The following NUBPL variants were observed in gnomAD, a reference collection of about 807,000 sequenced individuals.
The protein encoded by NUBPL is NUBP iron-sulfur cluster assembly factor, mitochondrial.
Under a neutral mutation model 45.7 loss-of-function variants are expected in NUBPL, and 31 were observed. The ratio of observed to expected loss-of-function variants is 0.68; its 90% CI spans 0.51 to 0.92. NUBPL has a LOEUF of 0.92. Among genes scored for constraint, NUBPL ranks in the 40% least tolerant of loss-of-function variants. The probability of loss-of-function intolerance (pLI) is 0.00; values close to 1 mark genes in which losing one functional copy is unlikely to be tolerated. For synonymous variants in NUBPL, 144 were observed against 140.9 expected (o/e 1.02, Z -0.15); for missense variants, 401 against 398.7 (o/e 1.01, Z -0.05).
chr14:31,596,468 A>G (rs1210792651), intron 3 of NUBPL, among the ~76,000 whole-genome samples: 1 of 146,762 alleles, frequency 6.8e-6, no homozygotes, highest in Non-Finnish European at 1.5e-5. Context: ...GCTAACTATG[A>G]CATGTGGACC....
chr14:31,654,586 T>C (rs1165127121), intron 4 of NUBPL, among the ~76,000 whole-genome samples: 1 of 151,972 alleles, frequency 6.6e-6, no homozygotes, highest in South Asian at 2.1e-4. Flanking sequence ...TTTTTTCTAT[T>C]TTTTAGTAGA....
intron 4 of NUBPL, among the ~76,000 whole-genome samples, chr14:31,642,060 C>G (rs772314261): frequency 3.9e-5 from 6 of 152,094 alleles, no homozygotes; most frequent in Admixed American, 1.3e-4. Context: ...TGTTTGAACT[C>G]CTGCTATGTT....
chr14:31,620,093 A>G (rs139586728), intron 4 of NUBPL, among the ~76,000 whole-genome samples: 15 of 152,024 alleles, frequency 9.9e-5, no homozygotes, highest in African/African-American at 3.4e-4. Flanking sequence ...ATACTTGTAT[A>G]TGCTTGATGA....
At chr14:31,586,820 G>A (rs1194192831) in intron 3 of NUBPL, among the ~76,000 whole-genome samples, 1 of 152,108 alleles carries the variant, frequency 6.6e-6, no homozygotes, top group African/African-American at 2.4e-5. Context: ...TCCTCTAGTT[G>A]TAAAAAAGCA....
At chr14:31,766,560 C>G (rs1246785341) in intron 6 of NUBPL, among the ~76,000 whole-genome samples, 1 of 152,136 alleles carries the variant, frequency 6.6e-6, no homozygotes, top group East Asian at 1.9e-4. Context: ...AAACAAGTAG[C>G]CCCATTATAG....
intron 4 of NUBPL, among the ~76,000 whole-genome samples, chr14:31,671,860 C>T (rs1443527844): frequency 1.9e-5 from 2 of 102,662 alleles, no homozygotes; most frequent in South Asian, 4.2e-4. Context: ...ACACAGTTTT[C>T]AGTCTCAGTC....
chr14:31,617,113 A>G (rs946288768), intron 4 of NUBPL, among the ~76,000 whole-genome samples: 1 of 152,124 alleles, frequency 6.6e-6, no homozygotes, highest in Non-Finnish European at 1.5e-5. Flanking sequence ...TGATTTTTGC[A>G]CATTGGTTTT....
chr14:31,746,997 G>A (rs1015234240), intron 6 of NUBPL, among the ~76,000 whole-genome samples: 11 of 150,306 alleles, frequency 7.3e-5, no homozygotes, highest in African/African-American at 2.7e-4. Flanking sequence ...CTGAGCTTAG[G>A]AGGCAAAGAT....
At chr14:31,650,844 C>T (rs1164632017) in intron 4 of NUBPL, among the ~76,000 whole-genome samples, 1 of 152,098 alleles carries the variant, frequency 6.6e-6, no homozygotes, top group African/African-American at 2.4e-5. Flanking sequence ...TGCTTCTACT[C>T]ATGGTAAAGG....
At chr14:31,564,088 A>G (rs1051892275) in intron 2 of NUBPL, among the ~76,000 whole-genome samples, 4 of 152,214 alleles carry the variant, frequency 2.6e-5, no homozygotes, top group Admixed American at 2.0e-4. Context: ...TAACCCTGAC[A>G]TAGTTTATAC....
intron 6 of NUBPL, among the ~76,000 whole-genome samples, chr14:31,692,828 C>G (rs2037123358): frequency 6.6e-6 from 1 of 152,152 alleles, no homozygotes; most frequent in Admixed American, 6.5e-5. Context: ...CTAAGTACCT[C>G]TCATGGGAAG....
chr14:31,718,498 A>G (rs1262392320), intron 6 of NUBPL, among the ~76,000 whole-genome samples: 1 of 152,208 alleles, frequency 6.6e-6, no homozygotes, highest in African/African-American at 2.4e-5. Context: ...ATGTTGGTGT[A>G]AGATTATATT....
chr14:31,815,838 T>C (rs2039903921), intron 7 of NUBPL, among the ~76,000 whole-genome samples: 1 of 152,218 alleles, frequency 6.6e-6, no homozygotes, highest in Admixed American at 6.5e-5. Context: ...GGATTATTTT[T>C]ATTGATTTGC....
chr14:31,592,667 GATT>G (rs1399753693), intron 3 of NUBPL, among the ~76,000 whole-genome samples: 1 of 151,832 alleles, frequency 6.6e-6, no homozygotes, highest in African/African-American at 2.4e-5. Context: ...GATTACTGTA[GATT>G]ATTATTATTA....
intron 3 of NUBPL, among the ~76,000 whole-genome samples, chr14:31,589,214 GTAA>G (rs2034076750): frequency 6.6e-6 from 1 of 151,842 alleles, no homozygotes; most frequent in Admixed American, 6.6e-5. Context: ...CATTTTCTAG[GTAA>G]TAATAATTAT....
At chr14:31,594,403 A>C (rs2139537990) in intron 3 of NUBPL, among the ~76,000 whole-genome samples, 1 of 152,298 alleles carries the variant, frequency 6.6e-6, no homozygotes, top group African/African-American at 2.4e-5. Context: ...ACAGAGCAAG[A>C]CCGTCTGAAA....
At chr14:31,627,616 A>G (rs2139652325) in intron 4 of NUBPL, among the ~76,000 whole-genome samples, 1 of 152,080 alleles carries the variant, frequency 6.6e-6, no homozygotes, top group South Asian at 2.1e-4. Context: ...AATAGAAAAA[A>G]TTAGCCAGAC....
chr14:31,810,755 C>T (rs1472745524), intron 7 of NUBPL, among the ~76,000 whole-genome samples: 1 of 152,160 alleles, frequency 6.6e-6, no homozygotes, highest in South Asian at 2.1e-4. Context: ...GTGGCTGGTA[C>T]TTATTGTTCC....
At chr14:31,785,232 T>G (rs577562138) in intron 6 of NUBPL, among the ~76,000 whole-genome samples, 2 of 152,382 alleles carry the variant, frequency 1.3e-5, no homozygotes, top group East Asian at 3.9e-4. Flanking sequence ...TATTTATTCT[T>G]ATTTGATCTG....
Sources: gnomAD v4.1 joint callset for allele counts (sites outside exome capture counted in the v4.1 genomes callset) on GRCh38, gnomAD v4.1.1 for gene constraint, MANE v1.5 for transcripts, NCBI Gene and HGNC (gene_info 2026-07-23, HGNC 2026-07-21) for gene names.